Variants in PUM3 observed in about 807,000 individuals in gnomAD.
The protein encoded by PUM3 is pumilio homolog 3.
Under a neutral mutation model 84.0 loss-of-function variants are expected in PUM3, and 91 were observed. The ratio of observed to expected loss-of-function variants is 1.08; its 90% CI spans 0.91 to 1.29. The LOEUF (loss-of-function observed/expected upper bound fraction) is 1.29, where lower values mean the gene tolerates loss of function less well. Among genes scored for constraint, PUM3 ranks in the 50% most tolerant of loss-of-function variants. The pLI, the probability that PUM3 is intolerant of heterozygous loss-of-function variation, is 0.00. For synonymous variants in PUM3, 321 were observed against 266.7 expected, an observed-to-expected ratio of 1.20 and a Z score of -1.98; for missense variants, 1,067 against 767.5, an observed-to-expected ratio of 1.39 and a Z score of -4.61.
chr9:2,823,723 G>C (rs1191308142), intron 12 of PUM3, 58 bp downstream of exon 12: 2 of 711,724 alleles, frequency 2.8e-6, no homozygotes, highest in African/African-American at 1.9e-5. Flanking sequence ...TTCTATAATA[G>C]ACATGAATTC....
intron 5 of PUM3, among the ~76,000 whole-genome samples, chr9:2,831,549 A>C (rs528299902): frequency 6.6e-6 from 1 of 152,216 alleles, no homozygotes; most frequent in Admixed American, 6.5e-5. Flanking sequence ...TGATAGGTAC[A>C]ATAATGACAT....
intron 13 of PUM3, among the ~76,000 whole-genome samples, chr9:2,815,079 A>G (rs1475945640): frequency 6.6e-6 from 1 of 152,190 alleles, no homozygotes; most frequent in Non-Finnish European, 1.5e-5. Context: ...CCAGTCCCCA[A>G]ATTCATTGAA....
intron 6 of PUM3, 85 bp from the exon 7 acceptor site, chr9:2,831,113 G>A (rs1251875251): frequency 6.1e-6 from 6 of 991,458 alleles, no homozygotes; most frequent in Non-Finnish European, 7.6e-6. Flanking sequence ...CCCAGGCAAG[G>A]AAAAAATAAA....
chr9:2,830,919 A>C lies in PUM3; in HGVS notation c.677+43T>G. On this transcript the variant is annotated intron_variant, in intron 7 of 17. Transcript: ENST00000397885. ...GAGCACAGTTGGAAACCATGTCTTC[A>C]AAAGACAAAGAAAAAATGTATTTTA... is the stretch of plus-strand genomic sequence containing the variant. 2.9e-6 allele frequency: 3 copies of C among 1,037,608 alleles called. No individual in the cohort carries two copies. The South Asian group carries it at 4.1e-5, about 14-fold the overall frequency. The allele number at this position is 1,037,608 out of a possible 1,614,324, so 64.3% of individuals were successfully genotyped here. A position where few individuals can be genotyped will look rare whatever the true frequency, so the allele number is the denominator to read the frequency against.
chr9:2,804,783 AT>A (rs1335427473), intron 17 of PUM3, among the ~76,000 whole-genome samples: 1 of 152,208 alleles, frequency 6.6e-6, no homozygotes, highest in Non-Finnish European at 1.5e-5. Flanking sequence ...TTCTACATGT[AT>A]TCTATCTTCC....
At chr9:2,807,343 C>G (rs1821278733) in intron 17 of PUM3, among the ~76,000 whole-genome samples, 1 of 152,024 alleles carries the variant, frequency 6.6e-6, no homozygotes, top group Admixed American at 6.6e-5. Context: ...TGCCTGTAAT[C>G]CCAGCACTTT....
chr9:2,840,688 G>A (rs1033102490), intron 1 of PUM3, among the ~76,000 whole-genome samples: 9 of 152,172 alleles, frequency 5.9e-5, no homozygotes, highest in African/African-American at 1.7e-4. Context: ...CTCCAGCCAG[G>A]GGGAAGTTTC....
At chr9:2,807,949 T>C (rs778501764) in intron 16 of PUM3, 45 bp from the exon 17 acceptor site, 2 of 1,203,912 alleles carry the variant, frequency 1.7e-6, no homozygotes, top group Non-Finnish European at 2.5e-6. Flanking sequence ...TAATAAGATA[T>C]ATACTCCCTA....
intron 5 of PUM3, 136 bp from the exon 6 acceptor site, chr9:2,831,480 A>G (rs979998114): frequency 3.3e-5 from 21 of 636,522 alleles, no homozygotes; most frequent in Non-Finnish European, 4.7e-5. Flanking sequence ...TAGATTACTG[A>G]GAACTACTTG....
chr9:2,818,611 CAAGA>C (rs1821521118), intron 13 of PUM3, among the ~76,000 whole-genome samples: 1 of 152,108 alleles, frequency 6.6e-6, no homozygotes, highest in African/African-American at 2.4e-5. Context: ...ATCTCTGTCA[CAAGA>C]ATGAAAAACA....
At position 2,830,995 on chromosome 9, in the gene PUM3, G is replaced by T; in HGVS notation, c.644C>A (p.Ser215Ter). 1 of 1,488,646 alleles carries T rather than the reference G, an allele frequency of 6.7e-7. No individual in the cohort carries two copies. Among genetic ancestry groups the T allele is most frequent in the South Asian group, 1.2e-5 (1 of 86,490 alleles). 92.2% of individuals were successfully genotyped at this position (1,488,646 alleles called of 1,614,324 possible). The change falls in exon 7 of 18, where the codon TCG (serine) becomes TAG (stop). Residue 215 changes from serine to a stop codon, truncating the protein, a stop_gained. Transcript: ENST00000397885. LOFTEE classifies it high-confidence loss of function. The part of the protein sequence containing the change: ...DLVELSKAKY[S>*]RNIVKKFLMY... The stretch of plus-strand genomic sequence containing the variant: ...GAGAAATTTCTTAACAATATTTCTC[G>T]AATATTTGGCTTTACTTAACTCAAC...
At chr9:2,820,205 A>G in intron 12 of PUM3, 107 bp from the exon 13 acceptor site, 2 of 424,348 alleles carry the variant, frequency 4.7e-6, no homozygotes, top group Non-Finnish European at 8.5e-6. Flanking sequence ...TCCGCTCAAA[A>G]AAAAAAAAAA....
intron 5 of PUM3, among the ~76,000 whole-genome samples, chr9:2,832,496 G>C (rs1395665179): frequency 6.6e-6 from 1 of 152,142 alleles, no homozygotes; most frequent in African/African-American, 2.4e-5. Flanking sequence ...CAATAAAGAA[G>C]TTATTGTTAT....
chr9:2,818,045 A>G (rs559870961), intron 13 of PUM3, among the ~76,000 whole-genome samples: 1 of 152,364 alleles, frequency 6.6e-6, no homozygotes, highest in East Asian at 1.9e-4. Flanking sequence ...CCAGGCTGTG[A>G]TTTCAACCTG....
intron 13 of PUM3, among the ~76,000 whole-genome samples, chr9:2,817,434 C>T (rs1172398092): frequency 2.0e-5 from 3 of 151,694 alleles, no homozygotes; most frequent in Non-Finnish European, 4.4e-5. Flanking sequence ...CCATATATAC[C>T]CCACAAAGGC....
At position 2,838,509 on chromosome 9, in the gene PUM3, GT is replaced by G. The variant is rs1816190163; in HGVS notation, c.-3del. Reference sequence around the variant, plus strand: ...TTGCTTTTTCCCTTTAACTTCCATCGTAGCAACTCTGGAAAACCAAAACCAA... The same window carrying G: ...TTGCTTTTTCCCTTTAACTTCCATCGAGCAACTCTGGAAAACCAAAACCAA... On this transcript the variant is annotated 5_prime_UTR_variant, in exon 2 of 18. Transcript: ENST00000397885. 1 of 1,611,188 alleles carries G rather than the reference GT, an allele frequency of 6.2e-7. No homozygotes were observed. Among genetic ancestry groups the G allele is most frequent in the African/African-American group, 1.3e-5 (1 of 74,786 alleles).
chr9:2,814,409 C>A (rs1821431703), intron 13 of PUM3, among the ~76,000 whole-genome samples: 1 of 152,102 alleles, frequency 6.6e-6, no homozygotes, highest in African/African-American at 2.4e-5. Flanking sequence ...TGGGGTTTCG[C>A]CATGTTGGCC....
intron 7 of PUM3, 151 bp from the exon 8 acceptor site, chr9:2,830,099 C>T (rs560753206): frequency 5.5e-4 from 324 of 590,812 alleles, no homozygotes; most frequent in Non-Finnish European, 8.4e-4. Flanking sequence ...CTGTGGCCAG[C>T]ACATAGTAAA....
intron 7 of PUM3, 129 bp from the exon 8 acceptor site, chr9:2,830,077 T>C (rs1030287913): frequency 2.3e-5 from 16 of 710,436 alleles, no homozygotes; most frequent in South Asian, 1.0e-4. Context: ...TGAGCTAGCA[T>C]GCATTGAGAA....
Sources: allele counts gnomAD v4.1 joint callset (sites outside exome capture counted in the v4.1 genomes callset), GRCh38; gene constraint gnomAD v4.1.1; transcripts MANE v1.5; gene names NCBI Gene and HGNC (gene_info 2026-07-23, HGNC 2026-07-21).